MICAL2: variants seen among roughly 807,000 people sequenced by gnomAD.
MICAL2 encodes the protein [F-actin]-monooxygenase MICAL2.
In MICAL2, 77 loss-of-function variants were observed where a neutral mutation model predicts 127.3. The observed-to-expected ratio is 0.60, with a 90% CI of 0.50 to 0.73. The LOEUF is 0.73. Ranked by LOEUF, MICAL2 falls within the 30% of genes least tolerant of loss-of-function variation. The pLI is 0.00. For missense variants in MICAL2, 1,351 were observed against 1,434.4 expected, an observed-to-expected ratio of 0.94 and a Z score of 0.94; for synonymous variants, 570 against 551.1, an observed-to-expected ratio of 1.03 and a Z score of -0.48.
chr11:12,152,000 G>C (rs1411531652), intron 2 of MICAL2, among the ~76,000 whole-genome samples: 1 of 151,918 alleles, frequency 6.6e-6, no homozygotes, highest in East Asian at 1.9e-4. Flanking sequence ...AAGAATCAAA[G>C]GTCTTAGCTG....
chr11:12,357,842 A>G (rs568770839), intron 34 of MICAL2, among the ~76,000 whole-genome samples: 30 of 152,258 alleles, frequency 2.0e-4, no homozygotes, highest in African/African-American at 6.5e-4. Context: ...CATCTCAAAA[A>G]AAGAAAAAAG....
At chr11:12,301,044 T>G (rs374992096) in intron 29 of MICAL2, among the ~76,000 whole-genome samples, 1 of 152,182 alleles carries the variant, frequency 6.6e-6, no homozygotes, top group Non-Finnish European at 1.5e-5. Flanking sequence ...CTCAGAATCA[T>G]GGCGGGAGGC....
chr11:12,259,343 C>G (rs1158857360), intron 25 of MICAL2, among the ~76,000 whole-genome samples: 1 of 152,118 alleles, frequency 6.6e-6, no homozygotes, highest in South Asian at 2.1e-4. Flanking sequence ...AATAGTTTCC[C>G]ATGACATTAA....
At chr11:12,156,653 C>T (rs1854216528) in intron 2 of MICAL2, among the ~76,000 whole-genome samples, 1 of 152,174 alleles carries the variant, frequency 6.6e-6, no homozygotes. Flanking sequence ...AAAGCCAGCC[C>T]TACCTGGGCC....
At chr11:12,192,477 C>T (rs377373581) in intron 3 of MICAL2, among the ~76,000 whole-genome samples, 9 of 152,288 alleles carry the variant, frequency 5.9e-5, no homozygotes, top group East Asian at 1.9e-4. Context: ...TTCACTTAAA[C>T]GATTTCTCCT....
At chr11:12,286,475 A>G (rs925374349) in intron 2 of MICAL2, among the ~76,000 whole-genome samples, 1 of 152,270 alleles carries the variant, frequency 6.6e-6, no homozygotes, top group East Asian at 1.9e-4. Context: ...ACATATGCAT[A>G]TACGCATAGA....
intron 2 of MICAL2, among the ~76,000 whole-genome samples, chr11:12,286,212 C>A (rs986352056): frequency 6.6e-6 from 1 of 152,176 alleles, no homozygotes; most frequent in Non-Finnish European, 1.5e-5. Context: ...CAAGGGAGGG[C>A]CACAGCAATG....
At chr11:12,201,105 G>C (rs1228799495) in intron 3 of MICAL2, among the ~76,000 whole-genome samples, 2 of 151,976 alleles carry the variant, frequency 1.3e-5, no homozygotes, top group African/African-American at 4.8e-5. Flanking sequence ...GTGAGATAAA[G>C]AGCAGTGCTG....
chr11:12,236,861 G>A (rs74433414), intron 16 of MICAL2, among the ~76,000 whole-genome samples: 3,521 of 152,288 alleles, frequency 0.023, 150 homozygotes, highest in African/African-American at 0.081. Context: ...TTCAAAAAAA[G>A]CCATTCCAAC....
upstream of MICAL2, among the ~76,000 whole-genome samples, chr11:12,273,591 T>C (rs1366861366): frequency 6.6e-6 from 1 of 151,856 alleles, no homozygotes; most frequent in Non-Finnish European, 1.5e-5. Flanking sequence ...ATGAGGTATT[T>C]CACATAAAAA....
At chr11:12,358,695 T>G (rs533643918), downstream of MICAL2, 15 of 365,138 alleles carry the variant, frequency 4.1e-5, no homozygotes, top group African/African-American at 3.1e-4. Context: ...CTTTGGCAAT[T>G]GGCAGTCAAC....
chr11:12,356,315 T>A (rs1037246525), intron 34 of MICAL2, among the ~76,000 whole-genome samples: 1 of 152,204 alleles, frequency 6.6e-6, no homozygotes, highest in African/African-American at 2.4e-5. Flanking sequence ...CATGGTAAAC[T>A]TAATCTGATG....
At chr11:12,305,532 A>C (rs2134812855) in intron 29 of MICAL2, among the ~76,000 whole-genome samples, 1 of 152,330 alleles carries the variant, frequency 6.6e-6, no homozygotes, top group South Asian at 2.1e-4. Flanking sequence ...ACCTATGATA[A>C]AATTTAACTT....
chr11:12,329,790 C>A (rs1864393888), intron 32 of MICAL2, among the ~76,000 whole-genome samples: 1 of 148,336 alleles, frequency 6.7e-6, no homozygotes, highest in African/African-American at 2.5e-5. Flanking sequence ...CTAATTTTTA[C>A]TGCTTGAAAT....
chr11:12,303,119 C>A (rs1167522324), intron 29 of MICAL2, among the ~76,000 whole-genome samples: 6 of 152,140 alleles, frequency 3.9e-5, no homozygotes, highest in African/African-American at 1.2e-4. Context: ...AAGGAAACTG[C>A]CTCCATGATT....
intron 2 of MICAL2, among the ~76,000 whole-genome samples, chr11:12,147,591 T>C (rs1853076748): frequency 6.6e-6 from 1 of 152,244 alleles, no homozygotes; most frequent in African/African-American, 2.4e-5. Context: ...ACAAGATTAG[T>C]GCACAAAACA....
At chr11:12,139,008 C>T (rs953653968) in intron 2 of MICAL2, among the ~76,000 whole-genome samples, 2 of 152,156 alleles carry the variant, frequency 1.3e-5, no homozygotes, top group African/African-American at 4.8e-5. Flanking sequence ...GTGCCCAGGA[C>T]TCACGTTTTC....
At chr11:12,147,290 C>G (rs1305569348) in intron 2 of MICAL2, among the ~76,000 whole-genome samples, 1 of 152,064 alleles carries the variant, frequency 6.6e-6, no homozygotes, top group East Asian at 1.9e-4. Flanking sequence ...GGAAGCAGTT[C>G]CATCCCTCCT....
chr11:12,227,246 C>T, intron 15 of MICAL2, 115 bp downstream of exon 15: 1 of 728,124 alleles, frequency 1.4e-6, no homozygotes, highest in Non-Finnish European at 2.3e-6. Flanking sequence ...GGATCAGGCG[C>T]TCCCGGAAGA....
Sources: gnomAD v4.1 joint callset for allele counts (sites outside exome capture counted in the v4.1 genomes callset) on GRCh38, gnomAD v4.1.1 for gene constraint, MANE v1.5 for transcripts, NCBI Gene and HGNC (gene_info 2026-07-23, HGNC 2026-07-21) for gene names.